PUM2: variants seen among roughly 807,000 people sequenced by gnomAD.
PUM2 encodes the protein pumilio RNA binding family member 2, also known as pumilio homolog 2.
A neutral mutation model predicts 124.5 loss-of-function variants in PUM2; 57 were observed. That is an observed-to-expected ratio of 0.46 (90% confidence interval 0.37 to 0.57). The LOEUF is 0.57. Ranked by LOEUF, PUM2 falls within the 20% of genes least tolerant of loss-of-function variation. The probability of loss-of-function intolerance (pLI) is 0.00; values close to 1 mark genes in which losing one functional copy is unlikely to be tolerated. For synonymous variants in PUM2, 460 were observed against 446.1 expected, an observed-to-expected ratio of 1.03 and a Z score of -0.39; for missense variants, 1,065 against 1,290.6, an observed-to-expected ratio of 0.83 and a Z score of 2.68.
chr2:20,320,579 A>AAAAAAAAAACTCCATTTTTTT (rs1682082290), intron 2 of PUM2, among the ~76,000 whole-genome samples: 1 of 147,986 alleles, frequency 6.8e-6, no homozygotes, highest in Non-Finnish European at 1.5e-5. Context: ...TGTTTTAATT[A>AAAAAAAAAACTCCATTTTTTT]AAAAAAAAAC....
At chr2:20,344,450 AG>A (rs2149114171) in intron 1 of PUM2, among the ~76,000 whole-genome samples, 1 of 152,350 alleles carries the variant, frequency 6.6e-6, no homozygotes, top group South Asian at 2.1e-4. Flanking sequence ...AAGGCTTTCA[AG>A]GACACCATGA....
rs372478144 is a variant in PUM2 at position 20,253,967 on chromosome 2, G to T, written c.2918C>A (p.Ala973Asp). The T allele has an allele frequency of 4.3e-6, 7 of 1,613,952 alleles. No individual in the cohort carries two copies. The African/African-American group carries it at 9.3e-5, about 22-fold the overall frequency. The change falls in exon 20 of 21, where the codon GCT becomes GAT. Residue 973 changes from alanine (A) to aspartate (D), a missense_variant. By Grantham distance (126) the Ala-to-Asp change is moderately radical. Coordinates refer to ENST00000361078, the MANE Select transcript of PUM2 (RefSeq NM_015317.5). ...GCAGCAAACCTCGTCAATCAGTAAA[G>T]CTCTCTCAGCACGGGAGGCATGAGT... ...CVTHASRAER[A>D]LLIDEVCCQN...
chr2:20,334,201 A>G lies in PUM2; in HGVS notation c.-18-6823T>C, dbSNP rs544072201. On this transcript the variant is annotated intron_variant, in intron 1 of 20. Coordinates refer to ENST00000361078, the MANE Select transcript of PUM2 (RefSeq NM_015317.5). ...GTGACATGCACCTGTAGTCCCAGCT[A>G]CTCAGGAGGCTGAGGTGGGAAGACT... 5.8e-4 allele frequency among the ~76,000 whole-genome samples: 89 copies of G among 152,222 alleles called. 1 individual carries two copies. Among genetic ancestry groups the G allele is most frequent in the Non-Finnish European group, 9.0e-4 (61 of 68,012 alleles).
intron 3 of PUM2, 149 bp downstream of exon 3, chr2:20,318,388 G>T: frequency 1.6e-6 from 1 of 633,876 alleles, no homozygotes; most frequent in Non-Finnish European, 2.6e-6. Flanking sequence ...GATTGCATGA[G>T]CTCAGTTATT....
At chr2:20,290,281 A>T (rs957800161) in intron 10 of PUM2, among the ~76,000 whole-genome samples, 1 of 152,220 alleles carries the variant, frequency 6.6e-6, no homozygotes, top group African/African-American at 2.4e-5. Flanking sequence ...CTATTAACTA[A>T]AAGATTATTC....
At chr2:20,333,012 G>C (rs1395193265) in intron 1 of PUM2, 7 of 152,112 alleles carry the variant, frequency 4.6e-5, no homozygotes, top group Admixed American at 1.3e-4. Flanking sequence ...CCAAGACCCA[G>C]TATAATCTTA....
rs1689202076 is a variant in PUM2, at chr2:20,350,729, C to T, written c.-151G>A. 1 of 793,342 alleles carries T rather than the reference C, an allele frequency of 1.3e-6. No individual in the cohort carries two copies. Among genetic ancestry groups the T allele is most frequent in the Non-Finnish European group, 1.5e-6 (1 of 661,164 alleles). 49.1% of individuals were successfully genotyped at this position (793,342 alleles called of 1,614,324 possible). A position where few individuals can be genotyped will look rare whatever the true frequency, so the allele number is the denominator to read the frequency against. ...TCTTCTTTCTCCACCTACCACCCTC[C>T]CCCCCCACCCCACCTCCTCCTTCTC... On this transcript the variant is annotated 5_prime_UTR_variant, in exon 1 of 21. Transcript: ENST00000361078.
rs545855335 is a variant in PUM2 at position 20,260,031 on chromosome 2, G to GT, written c.2355+305dup. Among the ~76,000 whole-genome samples the GT allele has an allele frequency of 1.6e-3, 249 of 152,290 alleles. 2 individuals are homozygous for GT. Among genetic ancestry groups the GT allele is most frequent in the African/African-American group, 5.9e-3 (244 of 41,560 alleles). On this transcript the variant is annotated intron_variant, in intron 15 of 20. Coordinates refer to ENST00000361078, the MANE Select transcript of PUM2 (RefSeq NM_015317.5). Reference sequence around the variant, plus strand: ...AGATTGATCTGCATTTCCCTGATTAGTAAGGATGTTGAGCATCTTTTCATG... The same window carrying GT: ...AGATTGATCTGCATTTCCCTGATTAGTTAAGGATGTTGAGCATCTTTTCATG...
At chr2:20,343,123 A>C (rs1326726418) in intron 1 of PUM2, among the ~76,000 whole-genome samples, 1 of 143,326 alleles carries the variant, frequency 7.0e-6, no homozygotes. Flanking sequence ...TATTTTTAAA[A>C]GAGTCTGTGT....
intron 1 of PUM2, among the ~76,000 whole-genome samples, chr2:20,343,576 T>G (rs1405181501): frequency 6.6e-6 from 1 of 152,154 alleles, no homozygotes; most frequent in Non-Finnish European, 1.5e-5. Flanking sequence ...ACCAAACCCT[T>G]GGATGCAACC....
chr2:20,341,522 G>GAA (rs1441448198), intron 1 of PUM2, among the ~76,000 whole-genome samples: 1 of 152,152 alleles, frequency 6.6e-6, no homozygotes, highest in Non-Finnish European at 1.5e-5. Context: ...TGGGAAGTAC[G>GAA]AAAAAATAAA....
intron 12 of PUM2, among the ~76,000 whole-genome samples, chr2:20,281,624 T>C (rs1333986548): frequency 6.6e-6 from 1 of 152,184 alleles, no homozygotes; most frequent in African/African-American, 2.4e-5. Flanking sequence ...AAACAAGGAA[T>C]GAGTCCTATG....
Position 20,272,183 on chromosome 2 carries a change from GAATGAATA to G in PUM2, c.1957+6392_1957+6399del, listed in dbSNP as rs1243429800. 6.8e-3 allele frequency among the ~76,000 whole-genome samples: 999 copies of G among 146,606 alleles called. 12 individuals are homozygous for G. Among genetic ancestry groups the G allele is most frequent in the African/African-American group, 0.023 (918 of 40,030 alleles). Reference sequence around the variant, plus strand: ...TGAATGAATGAATGAATGAATGAATGAATGAATAAATAAATAAATAAATAGAAAAGCAT... The same window carrying G: ...TGAATGAATGAATGAATGAATGAATGAATAAATAAATAAATAGAAAAGCAT... On this transcript the variant is annotated intron_variant, in intron 13 of 20. Transcript: ENST00000361078.
intron 16 of PUM2, among the ~76,000 whole-genome samples, chr2:20,256,968 TG>T (rs1362420818): frequency 7.4e-6 from 1 of 135,868 alleles, no homozygotes; most frequent in Non-Finnish European, 1.5e-5. Context: ...CACTTGAACC[TG>T]GGAGGCGGAG....
intron 13 of PUM2, among the ~76,000 whole-genome samples, chr2:20,273,154 G>A (rs1360455898): frequency 6.6e-6 from 1 of 152,160 alleles, no homozygotes; most frequent in African/African-American, 2.4e-5. Context: ...ATTATTTCAA[G>A]TCAGTGTTTT....
intron 1 of PUM2, among the ~76,000 whole-genome samples, chr2:20,344,143 C>T (rs1490047842): frequency 6.6e-6 from 1 of 152,240 alleles, no homozygotes; most frequent in Non-Finnish European, 1.5e-5. Flanking sequence ...TCTTGGCTCA[C>T]TGCAATCTCT....
chr2:20,285,198 A>C (rs548152377), intron 10 of PUM2, among the ~76,000 whole-genome samples: 1 of 152,314 alleles, frequency 6.6e-6, no homozygotes, highest in South Asian at 2.1e-4. Flanking sequence ...TCAACTCTGA[A>C]GTCCTGTTCA....
At position 20,253,882 on chromosome 2, in the gene PUM2, GT is replaced by G; in HGVS notation, c.3002del (p.Tyr1001SerfsTer6). The G allele has an allele frequency of 6.2e-7, 1 of 1,613,922 alleles. No homozygotes were observed. Among genetic ancestry groups the G allele is most frequent in the Non-Finnish European group, 8.5e-7 (1 of 1,179,878 alleles). On this transcript the variant is annotated frameshift_variant, in exon 20 of 21. Coordinates refer to ENST00000361078, the MANE Select transcript of PUM2 (RefSeq NM_015317.5). LOFTEE classifies it high-confidence loss of function. Reference protein sequence around the residue: ...YTMMKDQYANYVVQKMIDMAE... With the variant: ...YTMMKDQYANXVVQKMIDMAE... Reference sequence around the variant, plus strand: ...CCATATCAATCATCTTTTGAACCACGTAATTGGCATACTGGTCCTTCATCAT... The same window carrying G: ...CCATATCAATCATCTTTTGAACCACGAATTGGCATACTGGTCCTTCATCAT...
chr2:20,305,584 T>C (rs1469706321), intron 7 of PUM2, among the ~76,000 whole-genome samples: 1 of 150,616 alleles, frequency 6.6e-6, no homozygotes, highest in Non-Finnish European at 1.5e-5. Context: ...TCTAACTATA[T>C]AGATGCAAAA....
Sources: gnomAD v4.1 joint callset for allele counts (sites outside exome capture counted in the v4.1 genomes callset) on GRCh38, gnomAD v4.1.1 for gene constraint, MANE v1.5 for transcripts, NCBI Gene and HGNC (gene_info 2026-07-23, HGNC 2026-07-21) for gene names.